Variants in CDKN2B-AS1 observed in about 807,000 individuals in gnomAD.
The protein encoded by CDKN2B-AS1 is CDKN2B and CDKN2A antisense cis and trans regulatory RNA 1, also known as CDKN2B antisense RNA 1 (non-protein coding).
At chr9:22,058,434 A>G (rs1823667005) in intron 4 of CDKN2B-AS1, 2 of 152,252 alleles carry the variant, frequency 1.3e-5, no homozygotes, top group Non-Finnish European at 2.9e-5. Flanking sequence ...CTAACACAGG[A>G]CAAATGGAAT....
chr9:22,046,163 C>A (rs992485318), intron 1 of CDKN2B-AS1, among the ~76,000 whole-genome samples: 2 of 152,026 alleles, frequency 1.3e-5, no homozygotes, highest in Non-Finnish European at 2.9e-5. Flanking sequence ...GTCTACTTCA[C>A]AAAGTGGAGG....
chr9:22,062,472 G>A (rs917434352), intron 4 of CDKN2B-AS1, among the ~76,000 whole-genome samples: 1 of 152,148 alleles, frequency 6.6e-6, no homozygotes, highest in Admixed American at 6.6e-5. Context: ...GGCTAGCTCT[G>A]CTGAAACATT....
In CDKN2B-AS1 at chr9:22,005,112, ATGTGTG is replaced by A. The variant is rs3028393; in HGVS notation, n.29+9976_29+9981del. 1,607 of 225,476 alleles carry A rather than the reference ATGTGTG, an allele frequency of 7.1e-3. 5 individuals are homozygous for A. The highest frequency in any genetic ancestry group is 0.011 in the Non-Finnish European group (1,285 of 114,162). 14.0% of individuals were successfully genotyped at this position (225,476 alleles called of 1,614,324 possible). A position where few individuals can be genotyped will look rare whatever the true frequency, so the allele number is the denominator to read the frequency against. ...CATAAGGGGATTTCCGCATCCTAGCATGTGTGTGTGTGTGTGTGTGTGTGTGTGTGA... is the reference window on the plus strand; with the variant it reads ...CATAAGGGGATTTCCGCATCCTAGCATGTGTGTGTGTGTGTGTGTGTGTGA... On this transcript the variant is annotated intron_variant and non_coding_transcript_variant, in intron 1 of 4. Transcript: ENST00000650946. The surrounding 1 kb of genome is among the most constrained non-coding windows in gnomAD (Gnocchi z 4.9).
chr9:22,122,058 T>C (rs1240068922), intron 4 of CDKN2B-AS1, among the ~76,000 whole-genome samples: 1 of 110,952 alleles, frequency 9.0e-6, no homozygotes, highest in Non-Finnish European at 2.1e-5. Context: ...CCAGCATTTG[T>C]TATTTTTTTT....
chr9:22,038,134 C>T (rs1249963072), intron 1 of CDKN2B-AS1, among the ~76,000 whole-genome samples: 1 of 151,828 alleles, frequency 6.6e-6, no homozygotes, highest in East Asian at 1.9e-4. Flanking sequence ...GAAGGAAGCA[C>T]TTTTGGGAGA....
rs187511849 is a variant in CDKN2B-AS1, at chr9:22,095,098, G to A, written n.439-32005G>A. Among the ~76,000 whole-genome samples the A allele has an allele frequency of 3.9e-4, 56 of 144,948 alleles. 3 individuals are homozygous for A. The highest frequency in any genetic ancestry group is 1.5e-4 in the Non-Finnish European group (10 of 67,896). On this transcript the variant is annotated intron_variant and non_coding_transcript_variant, in intron 4 of 4. Transcript: ENST00000650946. The stretch of plus-strand genomic sequence containing the variant: ...TCCACTCCAGACGCTGTTTGCCTGG[G>A]TATCAGCAGCGGAGGCTGCAGAACG...
At chr9:22,083,446 G>T (rs181933442) in intron 4 of CDKN2B-AS1, among the ~76,000 whole-genome samples, 2 of 152,310 alleles carry the variant, frequency 1.3e-5, no homozygotes, top group Admixed American at 1.3e-4. Flanking sequence ...ATGAGATATG[G>T]TAAGAAGGTA....
chr9:22,126,682 C>A (rs1004410905), intron 4 of CDKN2B-AS1, among the ~76,000 whole-genome samples: 2 of 149,000 alleles, frequency 1.3e-5, no homozygotes, highest in African/African-American at 5.0e-5. Flanking sequence ...ACGCCATTCT[C>A]CTGCCTCAGC....
intron 4 of CDKN2B-AS1, chr9:22,120,933 A>G (rs1002951122): frequency 6.6e-6 from 1 of 152,136 alleles, no homozygotes; most frequent in Non-Finnish European, 1.5e-5. Flanking sequence ...GGTGGTTGCT[A>G]TTATCCCCAT....
At chr9:22,093,916 T>A (rs1183548455) in intron 4 of CDKN2B-AS1, among the ~76,000 whole-genome samples, 1 of 144,940 alleles carries the variant, frequency 6.9e-6, no homozygotes, top group Middle Eastern at 3.5e-3. Flanking sequence ...CTAGCCTTGA[T>A]GGTCTTTACA....
intron 1 of CDKN2B-AS1, among the ~76,000 whole-genome samples, chr9:22,017,105 T>G (rs559666277): frequency 6.6e-6 from 1 of 152,340 alleles, no homozygotes; most frequent in East Asian, 1.9e-4. Context: ...AATTACTGGT[T>G]TTATTTTTAG....
intron 1 of CDKN2B-AS1, among the ~76,000 whole-genome samples, chr9:22,038,749 C>T (rs933213546): frequency 1.4e-4 from 22 of 151,966 alleles, no homozygotes; most frequent in Middle Eastern, 3.4e-3. Flanking sequence ...TTTTTAATGA[C>T]GGAGATAATG....
chr9:22,102,240 G>A (rs996006280), intron 4 of CDKN2B-AS1, among the ~76,000 whole-genome samples: 1 of 151,966 alleles, frequency 6.6e-6, no homozygotes, highest in Non-Finnish European at 1.5e-5. Flanking sequence ...TTTTTCCCCG[G>A]CTTTGAAACG....
rs1378379379 is a variant in CDKN2B-AS1 at position 22,000,630 on chromosome 9, A to AC, written n.29+5472dup. On this transcript the variant is annotated intron_variant and non_coding_transcript_variant, in intron 1 of 4. Coordinates refer to ENST00000650946, the Ensembl canonical transcript of CDKN2B-AS1. This position sits in a 1 kb window ranked among gnomAD's most constrained non-coding sequence, Gnocchi z 4.1. ...TGCCATATACATCTTTACAACAGTC[A>AC]CCCTCTAGAAGAAAACTCTGTGTTG... Among the ~76,000 whole-genome samples, 3 of 151,912 alleles carry AC rather than the reference A, an allele frequency of 2.0e-5. No homozygotes were observed. Among genetic ancestry groups the AC allele is most frequent in the African/African-American group, 7.3e-5 (3 of 41,352 alleles).
In CDKN2B-AS1 at chr9:22,060,348, C is replaced by A. The variant is rs569628788; in HGVS notation, n.438+3961C>A. Among the ~76,000 whole-genome samples, 17 of 152,306 alleles carry A rather than the reference C, an allele frequency of 1.1e-4. No homozygotes were observed. In the South Asian group the frequency reaches 3.5e-3, roughly 32 times the overall value. ...TTCAAAGTTCCACAAATCTCTAGGG[C>A]AGAGGCAAAATGCCACCAGTCTCTT... On this transcript the variant is annotated intron_variant and non_coding_transcript_variant, in intron 4 of 4. Transcript: ENST00000650946.
chr9:22,018,632 G>A (rs1199320293), intron 1 of CDKN2B-AS1, among the ~76,000 whole-genome samples: 3 of 152,316 alleles, frequency 2.0e-5, no homozygotes, highest in East Asian at 3.9e-4. Flanking sequence ...CAGCCTGGGT[G>A]ACAGCGCAAG....
chr9:22,102,134 G>A (rs1478478989), intron 4 of CDKN2B-AS1, among the ~76,000 whole-genome samples: 1 of 152,148 alleles, frequency 6.6e-6, no homozygotes, highest in African/African-American at 2.4e-5. Flanking sequence ...TGGCCGTATT[G>A]GGCTCATGGT....
At chr9:22,066,162 T>C (rs1824027238) in intron 4 of CDKN2B-AS1, 1 of 152,128 alleles carries the variant, frequency 6.6e-6, no homozygotes, top group Non-Finnish European at 1.5e-5. Context: ...ACAATGTGGG[T>C]GATGAAGAGC....
chr9:22,021,756 C>T (rs978591139), intron 1 of CDKN2B-AS1, among the ~76,000 whole-genome samples: 1 of 152,064 alleles, frequency 6.6e-6, no homozygotes, highest in African/African-American at 2.4e-5. Flanking sequence ...GTTTGACTTC[C>T]TCTCTTCTTA....
Sources: allele counts gnomAD v4.1 joint callset (sites outside exome capture counted in the v4.1 genomes callset), GRCh38; gene constraint gnomAD v4.1.1; non-coding constraint Gnocchi (gnomAD v3.1); transcripts MANE v1.5; gene names NCBI Gene and HGNC (gene_info 2026-07-23, HGNC 2026-07-21).